The following AKAP7 variants were observed in gnomAD, a reference collection of about 807,000 sequenced individuals.
AKAP7 encodes A kinase (PRKA) anchor protein 7.
A neutral mutation model predicts 39.5 loss-of-function variants in AKAP7; 39 were observed. That is an observed-to-expected ratio of 0.99 (90% CI 0.76 to 1.29). The LOEUF (loss-of-function observed/expected upper bound fraction) is 1.29, where lower values mean the gene tolerates loss of function less well. Among genes scored for constraint, AKAP7 ranks in the 50% most tolerant of loss-of-function variants. AKAP7 has a pLI of 0.00. For missense variants in AKAP7, 414 were observed against 407.7 expected (o/e 1.02, Z -0.13); for synonymous variants, 140 against 139.1 (o/e 1.01, Z -0.05).
chr6:131,184,717 T>G lies in AKAP7; in HGVS notation c.590-14744T>G, dbSNP rs543004057. The G allele has an allele frequency of 1.2e-5, 10 of 850,298 alleles. No individual in the cohort carries two copies. In the African/African-American group the frequency reaches 1.7e-4, roughly 14 times the overall value. 52.7% of individuals were successfully genotyped at this position (850,298 alleles called of 1,614,324 possible). ...GGGCAAGGCAAATCCATCAGGACCC[T>G]TTTTGGATTTCTGTTCCTCAGACCT... On this transcript the variant is annotated intron_variant, in intron 5 of 7. Coordinates refer to ENST00000431975, the MANE Select transcript of AKAP7 (RefSeq NM_016377.4).
At chr6:131,152,188 T>G (rs1045857154) in intron 2 of AKAP7, among the ~76,000 whole-genome samples, 2 of 152,238 alleles carry the variant, frequency 1.3e-5, no homozygotes, top group African/African-American at 4.8e-5. Context: ...GTTTATGAGC[T>G]GTACTCCAAC....
chr6:131,172,658 C>CGTCT (rs1804185826), intron 5 of AKAP7, among the ~76,000 whole-genome samples: 1 of 152,092 alleles, frequency 6.6e-6, no homozygotes, highest in African/African-American at 2.4e-5. Context: ...GTTGCAAGAG[C>CGTCT]GTCTATTCCT....
At chr6:131,156,318 A>G (rs569850032) in intron 2 of AKAP7, among the ~76,000 whole-genome samples, 1 of 152,040 alleles carries the variant, frequency 6.6e-6, no homozygotes, top group Non-Finnish European at 1.5e-5. Flanking sequence ...TTTGAAATTT[A>G]TTTTTCAACA....
At chr6:131,181,760 T>A (rs1805271153) in intron 5 of AKAP7, among the ~76,000 whole-genome samples, 2 of 152,200 alleles carry the variant, frequency 1.3e-5, no homozygotes, top group South Asian at 2.1e-4. Flanking sequence ...ATGCCTTAGT[T>A]GACGCTGCTG....
At chr6:131,128,411 T>C in the AKAP7 span, among the ~76,000 whole-genome samples, 1 of 152,232 alleles carries the variant, frequency 6.6e-6, no homozygotes, top group Non-Finnish European at 1.5e-5. Context: ...GAACTGCTTA[T>C]AAGCATATAG....
At chr6:131,241,624 T>TATATATAC (rs1562238154) in intron 7 of AKAP7, among the ~76,000 whole-genome samples, 2 of 132,788 alleles carry the variant, frequency 1.5e-5, no homozygotes, top group East Asian at 2.0e-4. Flanking sequence ...TGTGTGTGTG[T>TATATATAC]GTGTATATAT....
At chr6:131,233,399 C>G (rs1306990498) in intron 7 of AKAP7, among the ~76,000 whole-genome samples, 1 of 152,084 alleles carries the variant, frequency 6.6e-6, no homozygotes, top group Non-Finnish European at 1.5e-5. Context: ...GACTCAAAGC[C>G]CAGTTACCCC....
chr6:131,179,474 C>T (rs1047872330), intron 5 of AKAP7, among the ~76,000 whole-genome samples: 5 of 152,068 alleles, frequency 3.3e-5, no homozygotes, highest in South Asian at 4.1e-4. Flanking sequence ...GTGCCTGGCC[C>T]GTTATTGTCT....
chr6:131,229,847 C>T (rs928624667), intron 7 of AKAP7, among the ~76,000 whole-genome samples: 1 of 152,162 alleles, frequency 6.6e-6, no homozygotes, highest in Non-Finnish European at 1.5e-5. Flanking sequence ...CCAAGCCATA[C>T]TTAAAGACTT....
In AKAP7 at chr6:131,135,742, GC is replaced by G. The variant is rs1800475648; in HGVS notation, c.-20del. ...CCGCCGCTGCCGCCAGCCCAGACGC[GC>G]CGCCCGCATGCGCCGCGACCATGGA... On this transcript the variant is annotated 5_prime_UTR_variant, in exon 1 of 8. Transcript: ENST00000431975. 1 of 1,220,766 alleles carries G rather than the reference GC, an allele frequency of 8.2e-7. No individual in the cohort carries two copies. Among genetic ancestry groups the G allele is most frequent in the South Asian group, 4.1e-5 (1 of 24,588 alleles). The allele number at this position is 1,220,766 out of a possible 1,614,324, so 75.6% of individuals were successfully genotyped here.
intron 1 of AKAP7, among the ~76,000 whole-genome samples, chr6:131,136,002 G>A (rs975842933): frequency 6.6e-6 from 1 of 152,132 alleles, no homozygotes; most frequent in Non-Finnish European, 1.5e-5. Flanking sequence ...ACGCATTGTG[G>A]GTCCGACAGG....
chr6:131,247,470 C>T (rs1446572455), intron 7 of AKAP7, among the ~76,000 whole-genome samples: 5 of 150,308 alleles, frequency 3.3e-5, no homozygotes, highest in African/African-American at 9.8e-5. Context: ...GGACTACAGG[C>T]GTGCACCACC....
chr6:131,226,020 G>A (rs1451050905), intron 7 of AKAP7, among the ~76,000 whole-genome samples: 2 of 152,158 alleles, frequency 1.3e-5, no homozygotes, highest in East Asian at 1.9e-4. Flanking sequence ...ACCTTCTTCT[G>A]AACAATCAGA....
At chr6:131,253,319 C>T (rs1278596599) in intron 7 of AKAP7, among the ~76,000 whole-genome samples, 1 of 152,068 alleles carries the variant, frequency 6.6e-6, no homozygotes, top group Non-Finnish European at 1.5e-5. Context: ...CAGAAATATT[C>T]TTATGCAATT....
the AKAP7 span, among the ~76,000 whole-genome samples, chr6:131,129,366 A>G: frequency 6.6e-6 from 1 of 152,110 alleles, no homozygotes; most frequent in Non-Finnish European, 1.5e-5. Context: ...TAGTCACAAT[A>G]TCTTGTAAAA....
At chr6:131,279,921 A>G (rs1815070243) in intron 7 of AKAP7, among the ~76,000 whole-genome samples, 3 of 152,176 alleles carry the variant, frequency 2.0e-5, no homozygotes, top group Non-Finnish European at 4.4e-5. Context: ...CAGTTAATGC[A>G]TTTGGAGATG....
chr6:131,228,699 C>T (rs1810394987), intron 7 of AKAP7, among the ~76,000 whole-genome samples: 1 of 152,002 alleles, frequency 6.6e-6, no homozygotes, highest in Admixed American at 6.6e-5. Context: ...GAATTTGGCC[C>T]ATGGATCCCT....
chr6:131,210,077 A>G (rs1808502671), intron 6 of AKAP7, among the ~76,000 whole-genome samples: 1 of 152,228 alleles, frequency 6.6e-6, no homozygotes, highest in African/African-American at 2.4e-5. Flanking sequence ...TGCATAGTGA[A>G]AGAAGGTAAA....
chr6:131,192,482 T>C (rs960524074), intron 5 of AKAP7, among the ~76,000 whole-genome samples: 11 of 152,256 alleles, frequency 7.2e-5, no homozygotes, highest in Non-Finnish European at 1.6e-4. Context: ...GCTGTTTTTG[T>C]TACTATAGCC....
Sources: allele counts gnomAD v4.1 joint callset (sites outside exome capture counted in the v4.1 genomes callset), GRCh38; gene constraint gnomAD v4.1.1; transcripts MANE v1.5; gene names NCBI Gene and HGNC (gene_info 2026-07-23, HGNC 2026-07-21).